VAV3: variants seen among roughly 807,000 people sequenced by gnomAD.
The protein encoded by VAV3 is guanine nucleotide exchange factor VAV3.
Under a neutral mutation model 131.2 loss-of-function variants are expected in VAV3, and 94 were observed. That is an observed-to-expected ratio of 0.72 (90% CI 0.61 to 0.85). VAV3 has a LOEUF of 0.85. Among genes scored for constraint, VAV3 ranks in the 40% least tolerant of loss-of-function variants. The probability of loss-of-function intolerance (pLI) is 0.00; values close to 1 mark genes in which losing one functional copy is unlikely to be tolerated. For synonymous variants in VAV3, 349 were observed against 342.0 expected, an observed-to-expected ratio of 1.02 and a Z score of -0.22; for missense variants, 939 against 1,002.7, an observed-to-expected ratio of 0.94 and a Z score of 0.86.
chr1:107,955,175 G>A (rs1674746099), intron 1 of VAV3, among the ~76,000 whole-genome samples: 1 of 152,130 alleles, frequency 6.6e-6, no homozygotes. Context: ...TTTTAGAGAT[G>A]AGGAAGCTAA....
chr1:107,781,734 T>C (rs1665702701), intron 2 of VAV3, among the ~76,000 whole-genome samples: 2 of 152,176 alleles, frequency 1.3e-5, no homozygotes, highest in African/African-American at 2.4e-5. Context: ...AAACCCTTCA[T>C]GCAATTTCTT....
chr1:107,604,511 T>G (rs1460129733), intron 22 of VAV3, among the ~76,000 whole-genome samples: 1 of 152,182 alleles, frequency 6.6e-6, no homozygotes, highest in African/African-American at 2.4e-5. Context: ...CCAGCCTTCT[T>G]TCAGATCCAG....
At chr1:107,916,846 G>A (rs973367428) in intron 1 of VAV3, among the ~76,000 whole-genome samples, 5 of 152,134 alleles carry the variant, frequency 3.3e-5, no homozygotes, top group African/African-American at 1.2e-4. Context: ...GGATTCAGGA[G>A]AAACATCATG....
Position 107,658,940 on chromosome 1 carries a change from G to C in VAV3, c.1778-16185C>G, listed in dbSNP as rs376541574. On this transcript the variant is annotated intron_variant, in intron 19 of 26. Coordinates refer to ENST00000370056, the MANE Select transcript of VAV3 (RefSeq NM_006113.5). ...TGGTGGTTTCTTTTGCTGTGCAGAA[G>C]CTCTTTAGTTTAATTAGATCCCATT... is the stretch of plus-strand genomic sequence containing the variant. Among the ~76,000 whole-genome samples, 162 of 152,218 alleles carry C rather than the reference G, an allele frequency of 1.1e-3. 2 individuals carry two copies. In the East Asian group the frequency reaches 0.023, roughly 22 times the overall value.
At chr1:107,688,466 C>A (rs775304975) in intron 17 of VAV3, 60 bp from the exon 18 acceptor site, 1 of 1,607,792 alleles carries the variant, frequency 6.2e-7, no homozygotes, top group Non-Finnish European at 8.5e-7. Context: ...GGTTAGCAAC[C>A]TTAGCTTTCT....
intron 15 of VAV3, among the ~76,000 whole-genome samples, chr1:107,743,061 C>T (rs1663117311): frequency 6.6e-6 from 1 of 152,074 alleles, no homozygotes; most frequent in South Asian, 2.1e-4. Context: ...AGAACTGAAA[C>T]ACACAATCTA....
intron 2 of VAV3, among the ~76,000 whole-genome samples, chr1:107,781,976 T>A (rs1248108644): frequency 1.3e-5 from 2 of 152,186 alleles, no homozygotes; most frequent in Non-Finnish European, 2.9e-5. Flanking sequence ...AAAGTCTAAC[T>A]TTGGGGAGGT....
At chr1:107,854,138 A>G (rs1669357359) in intron 2 of VAV3, among the ~76,000 whole-genome samples, 1 of 152,058 alleles carries the variant, frequency 6.6e-6, no homozygotes, top group African/African-American at 2.4e-5. Context: ...GCAAATCCCC[A>G]TCTCTGCTAA....
intron 25 of VAV3, chr1:107,576,345 C>A: frequency 1.4e-6 from 2 of 1,437,110 alleles, no homozygotes; most frequent in Admixed American, 2.9e-5. Flanking sequence ...ATTTTATTTG[C>A]AAGCAGAAGC....
At chr1:107,862,604 A>T (rs1669788772) in intron 2 of VAV3, 2 of 151,548 alleles carry the variant, frequency 1.3e-5, no homozygotes, top group Non-Finnish European at 2.9e-5. Context: ...CATATTTCTC[A>T]TCCATCATAT....
intron 2 of VAV3, among the ~76,000 whole-genome samples, chr1:107,836,149 T>C (rs1169680505): frequency 6.6e-6 from 1 of 152,176 alleles, no homozygotes; most frequent in Non-Finnish European, 1.5e-5. Flanking sequence ...AAAGAAATTA[T>C]GGACTTAAAC....
intron 1 of VAV3, among the ~76,000 whole-genome samples, chr1:107,947,044 A>T (rs1168234435): frequency 6.6e-6 from 1 of 152,216 alleles, no homozygotes; most frequent in Non-Finnish European, 1.5e-5. Context: ...GCCCTAGATC[A>T]TCCAGCTAAT....
chr1:107,784,866 T>C (rs1665896761), intron 2 of VAV3, among the ~76,000 whole-genome samples: 1 of 152,238 alleles, frequency 6.6e-6, no homozygotes, highest in African/African-American at 2.4e-5. Flanking sequence ...GGAGAATGAA[T>C]AGTTGAAGAA....
chr1:107,698,194 T>C (rs1659861692), intron 17 of VAV3, among the ~76,000 whole-genome samples: 1 of 152,184 alleles, frequency 6.6e-6, no homozygotes, highest in Non-Finnish European at 1.5e-5. Flanking sequence ...TTTTGGATGG[T>C]TCATTTATGA....
intron 15 of VAV3, among the ~76,000 whole-genome samples, chr1:107,731,507 T>C (rs1042758442): frequency 5.9e-5 from 9 of 152,322 alleles, no homozygotes; most frequent in African/African-American, 1.4e-4. Context: ...AAGAGTTAGA[T>C]AGGTTCTATT....
chr1:107,710,404 C>T (rs552359868), intron 15 of VAV3, among the ~76,000 whole-genome samples: 1 of 152,054 alleles, frequency 6.6e-6, no homozygotes, highest in African/African-American at 2.4e-5. Context: ...TTTTTTGTAT[C>T]AAAAATACAT....
chr1:107,897,620 A>G (rs1327435337), intron 1 of VAV3, among the ~76,000 whole-genome samples: 1 of 151,948 alleles, frequency 6.6e-6, no homozygotes, highest in Non-Finnish European at 1.5e-5. Context: ...GTCCTGCACC[A>G]CCTCAGGTGC....
chr1:107,601,585 A>T (rs1007371899), intron 24 of VAV3, among the ~76,000 whole-genome samples: 4 of 151,784 alleles, frequency 2.6e-5, no homozygotes, highest in African/African-American at 9.7e-5. Context: ...GTACAAATGC[A>T]TCTTATGTCC....
chr1:107,850,708 C>T (rs1024348874), intron 2 of VAV3, among the ~76,000 whole-genome samples: 3 of 152,000 alleles, frequency 2.0e-5, no homozygotes. Context: ...TATCCCAGAA[C>T]TTAAAGTATA....
Sources: gnomAD v4.1 joint callset for allele counts (sites outside exome capture counted in the v4.1 genomes callset) on GRCh38, gnomAD v4.1.1 for gene constraint, MANE v1.5 for transcripts, NCBI Gene and HGNC (gene_info 2026-07-23, HGNC 2026-07-21) for gene names.